Variants in PTPRO observed in about 807,000 individuals in gnomAD.
PTPRO encodes receptor-type tyrosine-protein phosphatase O.
PTPRO carries 62 observed loss-of-function variants against 145.2 expected under a neutral mutation model. The observed-to-expected ratio is 0.43, with a 90% CI of 0.35 to 0.53. PTPRO has a LOEUF of 0.53. Ranked by LOEUF, PTPRO falls within the 20% of genes least tolerant of loss-of-function variation. The pLI is 0.01. For synonymous variants in PTPRO, 565 were observed against 514.7 expected (o/e 1.10, Z -1.32); for missense variants, 1,345 against 1,482.7 (o/e 0.91, Z 1.53).
intron 1 of PTPRO, among the ~76,000 whole-genome samples, chr12:15,415,617 C>T (rs1002135923): frequency 1.3e-5 from 2 of 151,654 alleles, no homozygotes; most frequent in African/African-American, 4.9e-5. Flanking sequence ...GATCTCCCGA[C>T]CTTGTGATCC....
At chr12:15,364,166 G>T (rs763778412) in intron 1 of PTPRO, among the ~76,000 whole-genome samples, 1 of 152,086 alleles carries the variant, frequency 6.6e-6, no homozygotes, top group Non-Finnish European at 1.5e-5. Flanking sequence ...ATATTTTGAG[G>T]CTTCAGTCTA....
intron 1 of PTPRO, among the ~76,000 whole-genome samples, chr12:15,407,386 T>C (rs941237566): frequency 6.6e-6 from 1 of 152,026 alleles, no homozygotes; most frequent in East Asian, 1.9e-4. Context: ...GATCACCAGA[T>C]CTGAAAGTAT....
intron 23 of PTPRO, among the ~76,000 whole-genome samples, chr12:15,582,514 A>G (rs1450588486): frequency 6.6e-6 from 1 of 152,236 alleles, no homozygotes; most frequent in Non-Finnish European, 1.5e-5. Context: ...AGACGCAGTA[A>G]AAAGTCTGCA....
intron 10 of PTPRO, among the ~76,000 whole-genome samples, chr12:15,522,743 G>A (rs1385661875): frequency 1.3e-5 from 2 of 152,130 alleles, no homozygotes; most frequent in African/African-American, 4.8e-5. Context: ...TAATTATGCG[G>A]AGGGGCCAAA....
intron 15 of PTPRO, 30 bp from the exon 16 acceptor site, chr12:15,557,424 TA>T: frequency 6.3e-7 from 1 of 1,589,318 alleles, no homozygotes; most frequent in Non-Finnish European, 8.6e-7. Context: ...TGTCAAGCAG[TA>T]ACCTTGATTT....
chr12:15,476,085 A>G (rs1941646802), intron 1 of PTPRO, among the ~76,000 whole-genome samples: 1 of 152,180 alleles, frequency 6.6e-6, no homozygotes, highest in African/African-American at 2.4e-5. Context: ...GGGAAAAATG[A>G]GAAGTTTAAG....
In PTPRO at chr12:15,526,130, A is replaced by C; in HGVS notation, c.2044-12A>C. On this transcript the variant is annotated splice_polypyrimidine_tract_variant and intron_variant, in intron 11 of 26. Transcript: ENST00000281171. ...CTAAAAGTTTAAACCCTTGATTTTG[A>C]TGATCTTGCAGGTAACACGCAATGT... 6.2e-7 allele frequency: 1 copy of C among 1,613,940 alleles called. No individual in the cohort carries two copies. The highest frequency in any genetic ancestry group is 8.5e-7 in the Non-Finnish European group (1 of 1,179,874).
rs1420584427 is a variant in PTPRO, at chr12:15,598,240, G to C, written c.*2167G>C. Among the ~76,000 whole-genome samples, 4 of 152,116 alleles carry C rather than the reference G, an allele frequency of 2.6e-5. No homozygotes were observed. Among genetic ancestry groups the C allele is most frequent in the Non-Finnish European group, 4.4e-5 (3 of 68,018 alleles). ...GTTTGTAGAGTTTATGATGGAAAAG[G>C]CATCAGTCTGTCAAAAGACTTGTTT... On this transcript the variant is annotated 3_prime_UTR_variant, in exon 27 of 27. Coordinates refer to ENST00000281171, the MANE Select transcript of PTPRO (RefSeq NM_030667.3).
chr12:15,463,378 C>T (rs1232163567), intron 1 of PTPRO, among the ~76,000 whole-genome samples: 1 of 152,216 alleles, frequency 6.6e-6, no homozygotes, highest in Non-Finnish European at 1.5e-5. Flanking sequence ...TCTATTAGTT[C>T]CCATAGCAAC....
At chr12:15,503,031 C>T (rs1006291547) in intron 5 of PTPRO, among the ~76,000 whole-genome samples, 3 of 152,058 alleles carry the variant, frequency 2.0e-5, no homozygotes, top group Non-Finnish European at 4.4e-5. Flanking sequence ...CAGCATTCAA[C>T]CATACCCAAA....
chr12:15,385,021 G>A (rs1938979050), intron 1 of PTPRO, among the ~76,000 whole-genome samples: 1 of 152,170 alleles, frequency 6.6e-6, no homozygotes, highest in Non-Finnish European at 1.5e-5. Context: ...GATTATCTGA[G>A]CCTAAACATA....
intron 15 of PTPRO, among the ~76,000 whole-genome samples, chr12:15,555,406 A>G (rs1943594803): frequency 6.6e-6 from 1 of 152,214 alleles, no homozygotes; most frequent in South Asian, 2.1e-4. Context: ...ACTGACAAAG[A>G]GGCAGCCAGT....
intron 1 of PTPRO, among the ~76,000 whole-genome samples, chr12:15,455,595 T>G (rs541160032): frequency 2.0e-5 from 3 of 152,334 alleles, no homozygotes; most frequent in African/African-American, 7.2e-5. Context: ...AAGTATTTTA[T>G]TCTTTTTAAT....
At chr12:15,451,673 G>A (rs1025745576) in intron 1 of PTPRO, among the ~76,000 whole-genome samples, 4 of 152,110 alleles carry the variant, frequency 2.6e-5, no homozygotes, top group Non-Finnish European at 4.4e-5. Context: ...AATAAAATTG[G>A]AAATCAACTC....
chr12:15,388,996 CTCTG>C (rs1278110480), intron 1 of PTPRO, among the ~76,000 whole-genome samples: 1 of 151,696 alleles, frequency 6.6e-6, no homozygotes, highest in Admixed American at 6.6e-5. Context: ...GTTTTATTTT[CTCTG>C]TCTTTTTATC....
chr12:15,579,736 G>A (rs1349909669), intron 20 of PTPRO, among the ~76,000 whole-genome samples: 1 of 152,024 alleles, frequency 6.6e-6, no homozygotes, highest in African/African-American at 2.4e-5. Context: ...TACTATAGCT[G>A]TCCAATCAAT....
At chr12:15,359,317 C>G (rs1199256590) in intron 1 of PTPRO, among the ~76,000 whole-genome samples, 1 of 151,436 alleles carries the variant, frequency 6.6e-6, no homozygotes, top group African/African-American at 2.4e-5. Context: ...TGTTTTATAC[C>G]TTTCATTATT....
At chr12:15,384,550 C>T (rs1333238198) in intron 1 of PTPRO, among the ~76,000 whole-genome samples, 1 of 152,150 alleles carries the variant, frequency 6.6e-6, no homozygotes, top group Non-Finnish European at 1.5e-5. Context: ...TCTCTCTCTT[C>T]CTTTTCTTAT....
rs765806360 is a variant in PTPRO, at chr12:15,484,142, G to A, written c.244G>A (p.Val82Ile). 6.2e-7 allele frequency: 1 copy of A among 1,613,598 alleles called. No homozygotes were observed. Among genetic ancestry groups the A allele is most frequent in the African/African-American group, 1.3e-5 (1 of 74,866 alleles). ...ATTCAACAGCACTTTGCCTCCTCCT[G>A]TTATTTTCAAGGCCAGTTATCATGG... is the stretch of plus-strand genomic sequence containing the variant. Reference protein sequence around the residue: ...EEFNSTLPPPVIFKASYHGLY... With the variant: ...EEFNSTLPPPIIFKASYHGLY... The change falls in exon 2 of 27, where the codon GTT (valine) becomes ATT (isoleucine). Residue 82 changes from valine (V) to isoleucine (I), a missense_variant. This residue lies in a region of PTPRO where 1,130 missense variants were observed against 1,214.7 expected (regional missense o/e 0.93). Coordinates refer to ENST00000281171, the MANE Select transcript of PTPRO (RefSeq NM_030667.3).
Sources: gnomAD v4.1 joint callset for allele counts (sites outside exome capture counted in the v4.1 genomes callset) on GRCh38, gnomAD v4.1.1 for gene constraint, gnomAD v4.1.1 regional missense constraint, MANE v1.5 for transcripts, NCBI Gene and HGNC (gene_info 2026-07-23, HGNC 2026-07-21) for gene names.